Variants in SPEN observed in about 807,000 individuals in gnomAD.
SPEN encodes the protein spen family transcriptional repressor.
Under a neutral mutation model 269.9 loss-of-function variants are expected in SPEN, and 18 were observed. That is an observed-to-expected ratio of 0.07 (90% confidence interval 0.05 to 0.10). The LOEUF is 0.10. SPEN is among the 10% of genes least tolerant of loss of function. The pLI, the probability that SPEN is intolerant of heterozygous loss-of-function variation, is 1.00. For synonymous variants in SPEN, 1,726 were observed against 1,765.7 expected, an observed-to-expected ratio of 0.98 and a Z score of 0.56; for missense variants, 3,822 against 4,631.2, an observed-to-expected ratio of 0.83 and a Z score of 5.07.
At chr1:15,881,508 CTGAG>C (rs1343353402) in intron 3 of SPEN, among the ~76,000 whole-genome samples, 1 of 152,174 alleles carries the variant, frequency 6.6e-6, no homozygotes, top group Non-Finnish European at 1.5e-5. Context: ...AAGAACAAGA[CTGAG>C]TGGCCTGAAT....
intron 2 of SPEN, chr1:15,873,808 C>CTGGA: frequency 1.9e-6 from 2 of 1,025,810 alleles, no homozygotes; most frequent in South Asian, 3.8e-5. Context: ...TTCCTAAATC[C>CTGGA]TGGAATATAG....
intron 5 of SPEN, among the ~76,000 whole-genome samples, chr1:15,913,304 G>A (rs2071026820): frequency 6.6e-6 from 1 of 152,108 alleles, no homozygotes. Context: ...GAAATTACAA[G>A]TTCAAGAAGT....
chr1:15,869,117 C>T (rs1183230116), intron 1 of SPEN, among the ~76,000 whole-genome samples: 8 of 152,122 alleles, frequency 5.3e-5, no homozygotes, highest in African/African-American at 1.4e-4. Context: ...AGTGCAGTGG[C>T]GCGATCTCGG....
intron 5 of SPEN, among the ~76,000 whole-genome samples, chr1:15,912,791 G>A (rs1000923551): frequency 3.3e-5 from 5 of 152,132 alleles, no homozygotes; most frequent in East Asian, 1.9e-4. Flanking sequence ...AGGTCAGAAC[G>A]GCTTGAGAAA....
chr1:15,860,378 GGTGTGTGTGT>G (rs60005872), intron 1 of SPEN, among the ~76,000 whole-genome samples: 3,106 of 121,222 alleles, frequency 0.026, 128 homozygotes, highest in African/African-American at 0.091. Flanking sequence ...TAGCTTCAGA[GGTGTGTGTGT>G]GTGTGTGTGT....
rs2070285659 is a variant in SPEN at position 15,847,770 on chromosome 1, T to TCGCCCCTCCTCCCGCTCCCCCGCC, written c.-290_-267dup. ...GTAGTCGCTGCCGCCCGTGTCCCGCTCGCCCCTCCTCCCGCTCCCCCGCCC... is the reference window on the plus strand; with the variant it reads ...GTAGTCGCTGCCGCCCGTGTCCCGCTCGCCCCTCCTCCCGCTCCCCCGCCCGCCCCTCCTCCCGCTCCCCCGCCC... On this transcript the variant is annotated 5_prime_UTR_variant, in exon 1 of 15. Transcript: ENST00000375759. 1.5e-4 allele frequency: 29 copies of TCGCCCCTCCTCCCGCTCCCCCGCC among 189,880 alleles called. No individual in the cohort carries two copies. Among genetic ancestry groups the TCGCCCCTCCTCCCGCTCCCCCGCC allele is most frequent in the African/African-American group, 7.0e-5 (3 of 42,650 alleles). The allele number at this position is 189,880 out of a possible 1,614,324, so 11.8% of individuals were successfully genotyped here. A position where few individuals can be genotyped will look rare whatever the true frequency, so the allele number is the denominator to read the frequency against.
chr1:15,909,563 T>C, intron 4 of SPEN, 82 bp downstream of exon 4: 1 of 1,359,372 alleles, frequency 7.4e-7, no homozygotes, highest in Non-Finnish European at 1.0e-6. Flanking sequence ...GAAATAACTT[T>C]GGGCATAAAA....
rs554609867 is a variant in SPEN, at chr1:15,922,257, T to C, written c.1758T>C (p.Phe586=). 1.3e-6 allele frequency: 2 copies of C among 1,598,032 alleles called. No individual in the cohort carries two copies. The highest frequency in any genetic ancestry group is 1.2e-5 in the South Asian group (1 of 86,604). Residue 586 remains phenylalanine (F), a synonymous_variant, in exon 10 of 15, where the codon TTT becomes TTC. Transcript: ENST00000375759. ...TCTTTTTTTTTTTAAAGGTGGATTT[T>C]GCAAATCGGGAAAGTCAGCTGGCTT... ...KIGGNKIKVD[F]ANRESQLAFY... is the part of the protein sequence containing the mutation.
rs1183055426 is a variant in SPEN, at chr1:15,848,341, G to C, written c.83+191G>C. On this transcript the variant is annotated intron_variant, in intron 1 of 14. Transcript: ENST00000375759. This position sits in a 1 kb window ranked among gnomAD's most constrained non-coding sequence, Gnocchi z 5.1. ...GGCCTCGGGTGTCGGCGGTGCGGGC[G>C]GCCAAGCCGCGCCGCCTTCGAAGAG... Among the ~76,000 whole-genome samples the C allele has an allele frequency of 6.6e-6, 1 of 151,120 alleles. No homozygotes were observed. Among genetic ancestry groups the C allele is most frequent in the East Asian group, 1.9e-4 (1 of 5,172 alleles).
chr1:15,896,187 CTTTTTTTTTTTT>C (rs34846762), intron 3 of SPEN, among the ~76,000 whole-genome samples: 152 of 69,222 alleles, frequency 2.2e-3, no homozygotes, highest in African/African-American at 0.011. Flanking sequence ...TTTACCATCA[CTTTTTTTTTTTT>C]TTTTTTTTTT....
chr1:15,892,489 T>C (rs1036702605), intron 3 of SPEN, among the ~76,000 whole-genome samples: 3 of 152,056 alleles, frequency 2.0e-5, no homozygotes, highest in Admixed American at 6.6e-5. Context: ...ACAAATAGAG[T>C]TTGTTATTTT....
intron 1 of SPEN, among the ~76,000 whole-genome samples, chr1:15,867,461 G>T (rs2070525976): frequency 6.6e-6 from 1 of 152,150 alleles, no homozygotes; most frequent in Admixed American, 6.5e-5. Context: ...GCTTCCTACA[G>T]TGCTGGGGTT....
chr1:15,903,052 C>A (rs1323184434), intron 3 of SPEN, among the ~76,000 whole-genome samples: 2 of 152,166 alleles, frequency 1.3e-5, no homozygotes, highest in African/African-American at 4.8e-5. Flanking sequence ...GGATGTCACT[C>A]TTGTACGTTA....
chr1:15,862,137 T>C (rs2070455203), intron 1 of SPEN, among the ~76,000 whole-genome samples: 2 of 152,220 alleles, frequency 1.3e-5, no homozygotes, highest in Admixed American at 6.5e-5. Flanking sequence ...TAATTTATGA[T>C]TTAGTCTCTT....
intron 1 of SPEN, among the ~76,000 whole-genome samples, chr1:15,860,339 A>G (rs2070432154): frequency 6.7e-6 from 1 of 149,008 alleles, no homozygotes; most frequent in South Asian, 2.1e-4. Flanking sequence ...CAGGCTCATC[A>G]AGTGACCCTC....
chr1:15,855,777 C>T (rs1305480255), intron 1 of SPEN, among the ~76,000 whole-genome samples: 2 of 151,270 alleles, frequency 1.3e-5, no homozygotes, highest in East Asian at 2.0e-4. Context: ...GCAGGAGAAT[C>T]GCTTGAACCC....
intron 3 of SPEN, among the ~76,000 whole-genome samples, chr1:15,905,357 G>A (rs1477887336): frequency 6.6e-6 from 1 of 150,980 alleles, no homozygotes. Flanking sequence ...GAGTAGCTGG[G>A]ATTACAGGCA....
chr1:15,911,165 G>C lies in SPEN; in HGVS notation c.1107G>C (p.Gln369His). The C allele has an allele frequency of 6.2e-7, 1 of 1,614,154 alleles. No homozygotes were observed. The highest frequency in any genetic ancestry group is 8.5e-7 in the Non-Finnish European group (1 of 1,180,020). The change falls in exon 5 of 15, where the codon CAG (glutamine) becomes CAC (histidine). Residue 369 changes from glutamine to histidine, a missense_variant. By Grantham distance (24) the Gln-to-His change is conservative. Transcript: ENST00000375759. ...FKKFGKVTSVQIHGTSEERYG... is the reference protein window; with the variant it reads ...FKKFGKVTSVHIHGTSEERYG... ...AATTTGGAAAAGTAACTTCAGTGCAGATACATGGAACTTCAGAAGAGAGGT... is the reference window on the plus strand; with the variant it reads ...AATTTGGAAAAGTAACTTCAGTGCACATACATGGAACTTCAGAAGAGAGGT...
At chr1:15,920,143 C>T (rs1005040618) in intron 8 of SPEN, among the ~76,000 whole-genome samples, 1 of 151,930 alleles carries the variant, frequency 6.6e-6, no homozygotes, top group Non-Finnish European at 1.5e-5. Flanking sequence ...GATCTCAGCT[C>T]ACTGCAACCT....
Sources: allele counts gnomAD v4.1 joint callset (sites outside exome capture counted in the v4.1 genomes callset), GRCh38; gene constraint gnomAD v4.1.1; non-coding constraint Gnocchi (gnomAD v3.1); transcripts MANE v1.5; gene names NCBI Gene and HGNC (gene_info 2026-07-23, HGNC 2026-07-21).